TEAD1: variants seen among roughly 807,000 people sequenced by gnomAD.
TEAD1 encodes the protein transcriptional enhancer factor TEF-1.
Under a neutral mutation model 54.9 loss-of-function variants are expected in TEAD1, and 9 were observed. The ratio of observed to expected loss-of-function variants is 0.16; its 90% CI spans 0.10 to 0.29. The LOEUF (loss-of-function observed/expected upper bound fraction) is 0.29, where lower values mean the gene tolerates loss of function less well. Ranked by LOEUF, TEAD1 falls within the 10% of genes least tolerant of loss-of-function variation. The probability of loss-of-function intolerance (pLI) is 1.00; values close to 1 mark genes in which losing one functional copy is unlikely to be tolerated. For synonymous variants in TEAD1, 200 were observed against 187.8 expected (o/e 1.07, Z -0.53); for missense variants, 387 against 535.9 (o/e 0.72, Z 2.74).
chr11:12,678,289 A>C (rs539706161), intron 2 of TEAD1, among the ~76,000 whole-genome samples: 3 of 152,238 alleles, frequency 2.0e-5, no homozygotes, highest in South Asian at 2.1e-4. Flanking sequence ...GCAAACTGCT[A>C]ATGTCCAACT....
chr11:12,864,586 CAAAGA>C, intron 4 of TEAD1: 1 of 1,112,352 alleles, frequency 9.0e-7, no homozygotes, highest in Non-Finnish European at 1.2e-6. Context: ...AAAACCCTCC[CAAAGA>C]GTAGCGATTT....
chr11:12,834,715 G>A (rs1028870899), intron 3 of TEAD1, among the ~76,000 whole-genome samples: 10 of 150,266 alleles, frequency 6.7e-5, no homozygotes, highest in African/African-American at 2.0e-4. Flanking sequence ...TCCTGCCTCA[G>A]CCTCCCAAAG....
chr11:12,927,431 TG>T lies in TEAD1; in HGVS notation c.1014+2381del, dbSNP rs1948923306. Among the ~76,000 whole-genome samples the T allele has an allele frequency of 5.9e-5, 9 of 152,340 alleles. No homozygotes were observed. The South Asian group carries it at 1.9e-3, about 32-fold the overall frequency. Reference sequence around the variant, plus strand: ...TGTGTCTACGTATCCCAGTACCATGTGGATTTGATTACAGTGGCTTTATAGT... The same window carrying T: ...TGTGTCTACGTATCCCAGTACCATGTGATTTGATTACAGTGGCTTTATAGT... On this transcript the variant is annotated intron_variant, in intron 11 of 12. Transcript: ENST00000527636.
At chr11:12,752,868 T>C (rs1944903896) in intron 2 of TEAD1, among the ~76,000 whole-genome samples, 1 of 151,802 alleles carries the variant, frequency 6.6e-6, no homozygotes, top group Non-Finnish European at 1.5e-5. Flanking sequence ...TTTAAGACAG[T>C]GTCTCACACT....
intron 10 of TEAD1, among the ~76,000 whole-genome samples, chr11:12,908,807 C>T (rs12290307): frequency 0.17 from 26,285 of 151,514 alleles, 2,518 homozygotes; most frequent in Non-Finnish European, 0.22. Context: ...TCAAGGAATA[C>T]GTGAAATCTG....
Position 12,819,785 on chromosome 11 carries a change from A to G in TEAD1, c.203-42465A>G, listed in dbSNP as rs145088731. Among the ~76,000 whole-genome samples the G allele has an allele frequency of 4.6e-5, 7 of 152,320 alleles. No homozygotes were observed. The East Asian group carries it at 1.3e-3, about 29-fold the overall frequency. ...GTCTTAAAAGCGGTCTTATTCTGTAATACGTTGGCCAGTTTTAAACCATTT... is the reference window on the plus strand; with the variant it reads ...GTCTTAAAAGCGGTCTTATTCTGTAGTACGTTGGCCAGTTTTAAACCATTT... On this transcript the variant is annotated intron_variant, in intron 3 of 12. Transcript: ENST00000527636.
chr11:12,685,773 G>C (rs2133817229), intron 2 of TEAD1, among the ~76,000 whole-genome samples: 1 of 152,220 alleles, frequency 6.6e-6, no homozygotes, highest in Admixed American at 6.5e-5. Context: ...CAGTAACTAA[G>C]TCATAAAGGA....
At chr11:12,704,292 T>C (rs1263821805) in intron 2 of TEAD1, among the ~76,000 whole-genome samples, 2 of 152,224 alleles carry the variant, frequency 1.3e-5, no homozygotes, top group Non-Finnish European at 1.5e-5. Context: ...TCTGAGAAGT[T>C]AGACAGAGTT....
intron 8 of TEAD1, 56 bp from the exon 9 acceptor site, chr11:12,882,945 C>T (rs907374008): frequency 1.1e-5 from 18 of 1,613,834 alleles, no homozygotes; most frequent in African/African-American, 2.7e-5. Context: ...CAGTATTTGC[C>T]TGAGGCCCAA....
At chr11:12,845,029 A>G (rs566511297) in intron 3 of TEAD1, among the ~76,000 whole-genome samples, 1 of 134,834 alleles carries the variant, frequency 7.4e-6, no homozygotes, top group African/African-American at 2.8e-5. Flanking sequence ...GCAGTGGCGC[A>G]ATCTTGGCTC....
chr11:12,786,117 C>G (rs1487954981), intron 3 of TEAD1, among the ~76,000 whole-genome samples: 1 of 152,148 alleles, frequency 6.6e-6, no homozygotes, highest in Non-Finnish European at 1.5e-5. Context: ...TCCCAGGTGT[C>G]CACAGTCACA....
rs1204313223 is a variant in TEAD1 at position 12,922,176 on chromosome 11, TG to T, written c.874-2734del. Among the ~76,000 whole-genome samples, 11 of 151,244 alleles carry T rather than the reference TG, an allele frequency of 7.3e-5. 1 individual carries two copies. The highest frequency in any genetic ancestry group is 2.7e-4 in the African/African-American group (11 of 41,130). ...GGCACATAAGGTGAAAAGGGGAATGTGGAGTACATGGTTCTCTTTTTTTTTT... is the reference window on the plus strand; with the variant it reads ...GGCACATAAGGTGAAAAGGGGAATGTGAGTACATGGTTCTCTTTTTTTTTT... On this transcript the variant is annotated intron_variant, in intron 10 of 12. Coordinates refer to ENST00000527636, the MANE Select transcript of TEAD1 (RefSeq NM_021961.6).
intron 3 of TEAD1, among the ~76,000 whole-genome samples, chr11:12,836,988 G>T (rs1398470691): frequency 1.3e-5 from 2 of 152,106 alleles, no homozygotes; most frequent in African/African-American, 4.8e-5. Context: ...GCCTCTAAGC[G>T]CAAGTTGATT....
chr11:12,908,057 C>A (rs753744852), intron 10 of TEAD1, among the ~76,000 whole-genome samples: 22 of 152,258 alleles, frequency 1.4e-4, no homozygotes, highest in Non-Finnish European at 2.4e-4. Context: ...TTATTATGTT[C>A]TGATTTTTTT....
At chr11:12,819,992 C>CA (rs1387835145) in intron 3 of TEAD1, among the ~76,000 whole-genome samples, 1 of 105,062 alleles carries the variant, frequency 9.5e-6, no homozygotes, top group Non-Finnish European at 1.8e-5. Flanking sequence ...GCTGGGTGGG[C>CA]AGAGACTGGG....
chr11:12,839,148 C>T (rs750899276), intron 3 of TEAD1, among the ~76,000 whole-genome samples: 8 of 151,562 alleles, frequency 5.3e-5, no homozygotes, highest in Non-Finnish European at 1.0e-4. Flanking sequence ...TGGTGGCTTA[C>T]GCCTATAATC....
chr11:12,916,993 G>C (rs894518056), intron 10 of TEAD1, among the ~76,000 whole-genome samples: 1 of 152,220 alleles, frequency 6.6e-6, no homozygotes, highest in African/African-American at 2.4e-5. Context: ...CAACTTAACA[G>C]ATGTAATAGG....
chr11:12,768,772 A>G (rs1029218507), intron 3 of TEAD1, among the ~76,000 whole-genome samples: 1 of 152,186 alleles, frequency 6.6e-6, no homozygotes, highest in African/African-American at 2.4e-5. Context: ...CCCTGCCCTC[A>G]TGGAGCTATC....
rs1369058594 is a variant in TEAD1, at chr11:12,943,694, T to G, written c.*6472T>G. ...GATGAGATTTTTTTTCTCCTTCCCCTTTCTTTAAGAGAGGCTGACAGATCT... is the reference window on the plus strand; with the variant it reads ...GATGAGATTTTTTTTCTCCTTCCCCGTTCTTTAAGAGAGGCTGACAGATCT... On this transcript the variant is annotated 3_prime_UTR_variant, in exon 13 of 13. Transcript: ENST00000527636. The G allele has an allele frequency of 6.6e-6, 1 of 152,164 alleles. No individual in the cohort carries two copies. Among genetic ancestry groups the G allele is most frequent in the Non-Finnish European group, 1.5e-5 (1 of 68,028 alleles). 9.4% of individuals were successfully genotyped at this position (152,164 alleles called of 1,614,324 possible).
Sources: gnomAD v4.1 joint callset for allele counts (sites outside exome capture counted in the v4.1 genomes callset) on GRCh38, gnomAD v4.1.1 for gene constraint, MANE v1.5 for transcripts, NCBI Gene and HGNC (gene_info 2026-07-23, HGNC 2026-07-21) for gene names.